Variants in RESF1 observed in about 807,000 individuals in gnomAD.
RESF1 encodes retroelement silencing factor 1, also known as gonad expressed transcript.
In RESF1, 65 loss-of-function variants were observed where a neutral mutation model predicts 134.7. The observed-to-expected ratio is 0.48, with a 90% CI of 0.40 to 0.59. The LOEUF is 0.59. Among genes scored for constraint, RESF1 ranks in the 20% least tolerant of loss-of-function variants. The pLI, the probability that RESF1 is intolerant of heterozygous loss-of-function variation, is 0.00. For missense variants in RESF1, 2,274 were observed against 2,002.7 expected (o/e 1.14, Z -2.59); for synonymous variants, 762 against 702.2 (o/e 1.09, Z -1.35).
At chr12:31,967,706 A>T (rs1028046462) in intron 2 of RESF1, among the ~76,000 whole-genome samples, 40 of 136,328 alleles carry the variant, frequency 2.9e-4, no homozygotes, top group Admixed American at 1.7e-3. Context: ...TTGATTGTTA[A>T]TGCTCATGAT....
rs149891890 is a variant in RESF1, at chr12:31,969,752, C to T, written c.-246-437C>T. 6.2e-3 allele frequency among the ~76,000 whole-genome samples: 937 copies of T among 152,208 alleles called. 5 individuals carry two copies. Among genetic ancestry groups the T allele is most frequent in the African/African-American group, 0.014 (574 of 41,544 alleles). On this transcript the variant is annotated intron_variant, in intron 2 of 5. Transcript: ENST00000312561. The stretch of plus-strand genomic sequence containing the variant: ...CCCCTGGGTTCATCCAATGCCTCAG[C>T]CCCCCAAGTAGCTGAGAATACAGGT...
intron 3 of RESF1, among the ~76,000 whole-genome samples, chr12:31,977,321 C>G (rs1317599436): frequency 6.6e-6 from 1 of 152,142 alleles, no homozygotes; most frequent in East Asian, 1.9e-4. Flanking sequence ...GCTGGGATTA[C>G]AGGTGTGTGC....
Position 31,983,455 on chromosome 12 carries a change from C to G in RESF1, c.2500C>G (p.Leu834Val). ...AGCAACATCAACCAAGATTTTTCCA[C>G]TAACTCAGAAGGAAAAGCAGAATGA... Reference protein sequence around the residue: ...STATSTKIFPLTQKEKQNEST... With the variant: ...STATSTKIFPVTQKEKQNEST... The change falls in exon 4 of 6, where the codon CTA (leucine) becomes GTA (valine). Residue 834 changes from leucine to valine, a missense_variant. Physicochemically the swap from Leu to Val is conservative, Grantham distance 32. Transcript: ENST00000312561. 1 of 1,613,968 alleles carries G rather than the reference C, an allele frequency of 6.2e-7. No homozygotes were observed. The highest frequency in any genetic ancestry group is 8.5e-7 in the Non-Finnish European group (1 of 1,179,954).
At chr12:31,964,297 C>T (rs936308712) in intron 2 of RESF1, among the ~76,000 whole-genome samples, 7 of 151,988 alleles carry the variant, frequency 4.6e-5, no homozygotes, top group African/African-American at 1.2e-4. Context: ...CCTCCTCCCA[C>T]GCTTTGCCTG....
At position 31,989,851 on chromosome 12, in the gene RESF1, C is replaced by CA. The variant is rs1294822029; in HGVS notation, c.5087-2518dup. Among the ~76,000 whole-genome samples the CA allele has an allele frequency of 1.2e-4, 17 of 147,798 alleles. 3 individuals carry two copies. Among genetic ancestry groups the CA allele is most frequent in the East Asian group, 6.3e-4 (3 of 4,790 alleles). On this transcript the variant is annotated intron_variant, in intron 5 of 5. Transcript: ENST00000312561. ...TGGGCGACAGAGCAAAACTCTGTCT[C>CA]AAAAAAAAAGTCAGTTAGCATTGAA... is the stretch of plus-strand genomic sequence containing the variant.
In RESF1 at chr12:31,987,279, T is replaced by G; in HGVS notation, c.5043T>G (p.Phe1681Leu). ...GTACAAAAGAAGACTGGTTAAAATT[T>G]GTTGCTACAAAGAAAAGGACACAGA... ...IKSTKEDWLK[F>L]VATKKRTQKD... Residue 1681 changes from phenylalanine to leucine, a missense_variant, in exon 5 of 6, where the codon TTT becomes TTG. Coordinates refer to ENST00000312561, the MANE Select transcript of RESF1 (RefSeq NM_018169.4). 6.2e-7 allele frequency: 1 copy of G among 1,603,660 alleles called. No individual in the cohort carries two copies. The highest frequency in any genetic ancestry group is 1.3e-5 in the African/African-American group (1 of 74,718).
Position 31,981,222 on chromosome 12 carries a change from A to G in RESF1, c.267A>G (p.Ser89=). 1.2e-6 allele frequency: 2 copies of G among 1,614,200 alleles called. No homozygotes were observed. The highest frequency in any genetic ancestry group is 1.7e-6 in the Non-Finnish European group (2 of 1,180,032). Residue 89 remains serine, a synonymous_variant, in exon 4 of 6, where the codon TCA becomes TCG. Transcript: ENST00000312561. ...HNGTVVASHT[S]VERITYANVN... The stretch of plus-strand genomic sequence containing the variant: ...GGACAGTTGTGGCCTCACACACTTC[A>G]GTAGAAAGAATAACATATGCAAATG...
At chr12:31,979,241 A>T (rs1157118751) in intron 3 of RESF1, among the ~76,000 whole-genome samples, 1 of 152,164 alleles carries the variant, frequency 6.6e-6, no homozygotes, top group African/African-American at 2.4e-5. Flanking sequence ...CTGACACCAG[A>T]TGTGTGGGAA....
At chr12:31,977,801 C>CT (rs3075963) in intron 3 of RESF1, among the ~76,000 whole-genome samples, 5,517 of 124,264 alleles carry the variant, frequency 0.044, 345 homozygotes, top group East Asian at 0.22. Flanking sequence ...TTCTTTCTTT[C>CT]TTTTTTTTTT....
intron 2 of RESF1, among the ~76,000 whole-genome samples, chr12:31,961,782 T>C (rs899552032): frequency 3.3e-5 from 5 of 152,218 alleles, no homozygotes; most frequent in African/African-American, 1.2e-4. Flanking sequence ...GCCTCCAAAT[T>C]CCTAGGCAGG....
chr12:31,962,096 C>T (rs1050009028), intron 2 of RESF1, among the ~76,000 whole-genome samples: 17 of 151,926 alleles, frequency 1.1e-4, no homozygotes, highest in African/African-American at 3.9e-4. Flanking sequence ...ATTAGTCGGG[C>T]GTGGTGGCAC....
intron 3 of RESF1, among the ~76,000 whole-genome samples, chr12:31,979,110 C>T (rs1225352317): frequency 5.9e-5 from 9 of 151,882 alleles, no homozygotes; most frequent in South Asian, 2.1e-4. Flanking sequence ...TTAGTAGAGA[C>T]GGGGTTTCAC....
Position 31,980,884 on chromosome 12 carries a change from GAC to G in RESF1, c.-70_-69del, listed in dbSNP as rs1939765098. Reference sequence around the variant, plus strand: ...ATATCTTTATTTCTTACAGATTCCTGACATTCAGACAACTGACTTGTAACTGA... The same window carrying G: ...ATATCTTTATTTCTTACAGATTCCTGATTCAGACAACTGACTTGTAACTGA... On this transcript the variant is annotated 5_prime_UTR_variant, in exon 4 of 6. It introduces an in-frame stop codon into an upstream open reading frame of the 5' UTR. Coordinates refer to ENST00000312561, the MANE Select transcript of RESF1 (RefSeq NM_018169.4). The G allele has an allele frequency of 9.0e-7, 1 of 1,105,394 alleles. No homozygotes were observed. 68.5% of individuals were successfully genotyped at this position (1,105,394 alleles called of 1,614,324 possible). A position where few individuals can be genotyped will look rare whatever the true frequency, so the allele number is the denominator to read the frequency against.
Position 31,969,755 on chromosome 12 carries a change from C to T in RESF1, c.-246-434C>T, listed in dbSNP as rs575099773. Among the ~76,000 whole-genome samples, 8 of 152,294 alleles carry T rather than the reference C, an allele frequency of 5.3e-5. No individual in the cohort carries two copies. In the South Asian group the frequency reaches 1.0e-3, roughly 20 times the overall value. Reference sequence around the variant, plus strand: ...CTGGGTTCATCCAATGCCTCAGCCCCCCAAGTAGCTGAGAATACAGGTGTG... The same window carrying T: ...CTGGGTTCATCCAATGCCTCAGCCCTCCAAGTAGCTGAGAATACAGGTGTG... On this transcript the variant is annotated intron_variant, in intron 2 of 5. Coordinates refer to ENST00000312561, the MANE Select transcript of RESF1 (RefSeq NM_018169.4).
intron 3 of RESF1, among the ~76,000 whole-genome samples, chr12:31,976,682 CA>C (rs1034716703): frequency 6.7e-6 from 1 of 148,856 alleles, no homozygotes; most frequent in Non-Finnish European, 1.5e-5. Context: ...GACTCCATCT[CA>C]AAAAAAAACC....
chr12:31,981,552 A>C lies in RESF1; in HGVS notation c.597A>C (p.Gln199His), dbSNP rs1415977912. ...CAGAGCAACAGGTTGATTGGACACA[A>C]CAGTGTATATCTAAGGGACTGACTT... is the stretch of plus-strand genomic sequence containing the variant. Reference protein sequence around the residue: ...SFSEQQVDWTQQCISKGLTYP... With the variant: ...SFSEQQVDWTHQCISKGLTYP... The change falls in exon 4 of 6, where the codon CAA (glutamine) becomes CAC (histidine). Residue 199 changes from glutamine (Q) to histidine (H), a missense_variant. By Grantham distance (24) the Gln-to-His change is conservative. Coordinates refer to ENST00000312561, the MANE Select transcript of RESF1 (RefSeq NM_018169.4). 1.2e-6 allele frequency: 2 copies of C among 1,614,006 alleles called. No individual in the cohort carries two copies. The highest frequency in any genetic ancestry group is 4.5e-5 in the East Asian group (2 of 44,898).
At chr12:31,963,011 G>A (rs1156866353) in intron 2 of RESF1, among the ~76,000 whole-genome samples, 5 of 152,090 alleles carry the variant, frequency 3.3e-5, no homozygotes. Flanking sequence ...AGGTTGCAGT[G>A]AGCTGAGATC....
At chr12:31,966,182 T>C (rs10844074) in intron 2 of RESF1, among the ~76,000 whole-genome samples, 22,583 of 152,062 alleles carry the variant, frequency 0.15, 2,082 homozygotes, top group Middle Eastern at 0.25. Context: ...AAAAAAAATC[T>C]CATAATGTTT....
intron 2 of RESF1, among the ~76,000 whole-genome samples, chr12:31,969,824 C>T (rs2120786866): frequency 6.6e-6 from 1 of 152,246 alleles, no homozygotes; most frequent in Admixed American, 6.5e-5. Flanking sequence ...CTTCTGAGCT[C>T]AAGTGATCTG....
Sources: allele counts gnomAD v4.1 joint callset (sites outside exome capture counted in the v4.1 genomes callset), GRCh38; gene constraint gnomAD v4.1.1; transcripts MANE v1.5; gene names NCBI Gene and HGNC (gene_info 2026-07-23, HGNC 2026-07-21).